Variants in CTNNA2 observed in about 807,000 individuals in gnomAD.
CTNNA2 encodes catenin alpha-2.
In CTNNA2, 42 loss-of-function variants were observed where a neutral mutation model predicts 101.0. The observed-to-expected ratio is 0.42, with a 90% CI of 0.32 to 0.54. The LOEUF (loss-of-function observed/expected upper bound fraction) is 0.54, where lower values mean the gene tolerates loss of function less well. Among genes scored for constraint, CTNNA2 ranks in the 20% least tolerant of loss-of-function variants. CTNNA2 has a pLI of 0.14. For synonymous variants in CTNNA2, 450 were observed against 456.4 expected, an observed-to-expected ratio of 0.99 and a Z score of 0.18; for missense variants, 871 against 1,223.1, an observed-to-expected ratio of 0.71 and a Z score of 4.29.
chr2:79,882,788 G>T (rs568243733), intron 6 of CTNNA2, among the ~76,000 whole-genome samples: 123 of 152,358 alleles, frequency 8.1e-4, no homozygotes, highest in Non-Finnish European at 1.4e-3. Context: ...ATGCTGCTGA[G>T]AATCTGCGTA....
intron 2 of CTNNA2, among the ~76,000 whole-genome samples, chr2:79,223,360 C>A (rs1277721383): frequency 2.6e-5 from 4 of 152,174 alleles, no homozygotes; most frequent in Non-Finnish European, 4.4e-5. Flanking sequence ...GCCACCCAGT[C>A]TATGTTACTT....
chr2:80,140,319 G>T (rs1702932234), intron 7 of CTNNA2, among the ~76,000 whole-genome samples: 1 of 152,078 alleles, frequency 6.6e-6, no homozygotes, highest in East Asian at 1.9e-4. Context: ...GCTACCACTG[G>T]CCACATACTA....
intron 2 of CTNNA2, among the ~76,000 whole-genome samples, chr2:79,657,691 A>C (rs1233495411): frequency 1.3e-5 from 2 of 151,850 alleles, no homozygotes; most frequent in Non-Finnish European, 3.0e-5. Context: ...AAACCTACCT[A>C]AGCTATTAGT....
At chr2:79,807,007 C>G (rs1017892210) in intron 3 of CTNNA2, among the ~76,000 whole-genome samples, 10 of 152,080 alleles carry the variant, frequency 6.6e-5, no homozygotes, top group Non-Finnish European at 1.5e-4. Context: ...TCTTTATTCC[C>G]AAATGGACTC....
At chr2:80,054,050 G>A (rs1402284549) in intron 7 of CTNNA2, among the ~76,000 whole-genome samples, 1 of 152,206 alleles carries the variant, frequency 6.6e-6, no homozygotes, top group African/African-American at 2.4e-5. Context: ...GCTCTGCAAA[G>A]CTTTGCCCCC....
chr2:79,558,989 T>C (rs1674609465), intron 1 of CTNNA2, among the ~76,000 whole-genome samples: 2 of 151,860 alleles, frequency 1.3e-5, no homozygotes, highest in African/African-American at 4.8e-5. Flanking sequence ...TTCCCATCTT[T>C]AGGTTGTTAA....
chr2:80,511,439 G>C (rs1688695498), intron 9 of CTNNA2, among the ~76,000 whole-genome samples: 1 of 152,158 alleles, frequency 6.6e-6, no homozygotes, highest in Non-Finnish European at 1.5e-5. Context: ...CATGCTTGTT[G>C]TATCTTATAC....
chr2:80,349,641 A>G (rs1463023708), intron 7 of CTNNA2, among the ~76,000 whole-genome samples: 1 of 151,450 alleles, frequency 6.6e-6, no homozygotes, highest in Non-Finnish European at 1.5e-5. Flanking sequence ...TTTCACTGGT[A>G]TCTTGTTATA....
intron 7 of CTNNA2, chr2:80,305,208 G>T (rs1029243672): frequency 1.0e-6 from 1 of 985,214 alleles, no homozygotes. Flanking sequence ...GCGGGTACTG[G>T]AATTCTGCAG....
intron 8 of CTNNA2, among the ~76,000 whole-genome samples, chr2:80,403,214 TTTC>T (rs1423899587): frequency 1.3e-5 from 2 of 152,208 alleles, no homozygotes; most frequent in Non-Finnish European, 2.9e-5. Flanking sequence ...ATGTTGCTGT[TTTC>T]TTCATCATGG....
At chr2:79,355,631 T>C (rs146176185) in intron 3 of CTNNA2, among the ~76,000 whole-genome samples, 30 of 152,360 alleles carry the variant, frequency 2.0e-4, no homozygotes, top group African/African-American at 7.0e-4. Flanking sequence ...TGGTATCCTC[T>C]AATCTGCTTT....
chr2:79,563,524 A>T (rs1466720929), intron 1 of CTNNA2, among the ~76,000 whole-genome samples: 1 of 152,046 alleles, frequency 6.6e-6, no homozygotes, highest in Non-Finnish European at 1.5e-5. Flanking sequence ...CTTGTCTCTA[A>T]TGGGCTGCCA....
intron 3 of CTNNA2, among the ~76,000 whole-genome samples, chr2:79,829,533 G>C (rs1011714131): frequency 3.3e-5 from 5 of 150,952 alleles, no homozygotes; most frequent in Admixed American, 6.6e-5. Flanking sequence ...TCGCGCCATT[G>C]CACTCCAGGC....
rs1695272361 is a variant in CTNNA2, at chr2:80,031,314, C to CA, written c.1056+121518dup. Among the ~76,000 whole-genome samples, 3 of 152,308 alleles carry CA rather than the reference C, an allele frequency of 2.0e-5. No homozygotes were observed. The South Asian group carries it at 6.2e-4, about 32-fold the overall frequency. On this transcript the variant is annotated intron_variant, in intron 7 of 18. Coordinates refer to ENST00000402739, the MANE Select transcript of CTNNA2 (RefSeq NM_001282597.3). ...TCCATTTTCATGCTGCTAATAAAGA[C>CA]ATACCTGAAACTTGGTCATTTATAC...
rs1676564789 is a variant in CTNNA2 at position 80,303,429 on chromosome 2, T to A, written c.1057-89782T>A. The A allele has an allele frequency of 1.2e-6, 2 of 1,614,062 alleles. No homozygotes were observed. The highest frequency in any genetic ancestry group is 2.7e-5 in the African/African-American group (2 of 75,014). On this transcript the variant is annotated intron_variant, in intron 7 of 18. Coordinates refer to ENST00000402739, the MANE Select transcript of CTNNA2 (RefSeq NM_001282597.3). The surrounding 1 kb of genome is among the most constrained non-coding windows in gnomAD (Gnocchi z 7.7). Reference sequence around the variant, plus strand: ...AGGTTGGGCATGGGCCGGAAGGTGGTGTTGGGCAGTTGGGTGATCTGGTTG... The same window carrying A: ...AGGTTGGGCATGGGCCGGAAGGTGGAGTTGGGCAGTTGGGTGATCTGGTTG...
intron 1 of CTNNA2, among the ~76,000 whole-genome samples, chr2:79,634,896 A>T (rs1332830780): frequency 6.6e-6 from 1 of 152,168 alleles, no homozygotes; most frequent in Non-Finnish European, 1.5e-5. Flanking sequence ...GAGTAATGGG[A>T]CTGTGCTGGG....
chr2:80,395,733 C>A (rs562896738), intron 8 of CTNNA2, among the ~76,000 whole-genome samples: 1 of 152,174 alleles, frequency 6.6e-6, no homozygotes, highest in African/African-American at 2.4e-5. Context: ...GAGATACTTT[C>A]TATTCTTTCA....
chr2:79,849,369 G>A (rs1037948042), intron 3 of CTNNA2, among the ~76,000 whole-genome samples: 21 of 146,714 alleles, frequency 1.4e-4, no homozygotes, highest in Non-Finnish European at 2.7e-4. Flanking sequence ...CTTGTTTTTT[G>A]ATAACAAGAC....
At chr2:80,641,085 T>G (rs923644332) in intron 18 of CTNNA2, among the ~76,000 whole-genome samples, 3 of 152,202 alleles carry the variant, frequency 2.0e-5, no homozygotes, top group Admixed American at 1.3e-4. Flanking sequence ...AACTCATTAG[T>G]GTTATTGGCT....
Sources: allele counts gnomAD v4.1 joint callset (sites outside exome capture counted in the v4.1 genomes callset), GRCh38; gene constraint gnomAD v4.1.1; non-coding constraint Gnocchi (gnomAD v3.1); transcripts MANE v1.5; gene names NCBI Gene and HGNC (gene_info 2026-07-23, HGNC 2026-07-21).